RANBP9: variants seen among roughly 807,000 people sequenced by gnomAD.
The protein encoded by RANBP9 is ran-binding protein 9.
Under a neutral mutation model 84.3 loss-of-function variants are expected in RANBP9, and 15 were observed. The ratio of observed to expected loss-of-function variants is 0.18; its 90% CI spans 0.12 to 0.27. The LOEUF is 0.27. RANBP9 is among the 10% of genes least tolerant of loss of function. RANBP9 has a pLI of 1.00. For synonymous variants in RANBP9, 392 were observed against 349.6 expected (o/e 1.12, Z -1.35); for missense variants, 809 against 912.8 (o/e 0.89, Z 1.46).
intron 13 of RANBP9, among the ~76,000 whole-genome samples, chr6:13,624,757 C>G (rs763964845): frequency 6.6e-6 from 1 of 152,162 alleles, no homozygotes; most frequent in Non-Finnish European, 1.5e-5. Context: ...GGCTAAGCCT[C>G]GCCTTTTAAA....
chr6:13,709,465 C>T (rs539187643), intron 1 of RANBP9, among the ~76,000 whole-genome samples: 1 of 152,328 alleles, frequency 6.6e-6, no homozygotes, highest in East Asian at 1.9e-4. Context: ...CTAACAATAG[C>T]TTTCTGGCAG....
chr6:13,691,758 T>C (rs961205461), intron 2 of RANBP9, among the ~76,000 whole-genome samples: 1 of 152,094 alleles, frequency 6.6e-6, no homozygotes, highest in Non-Finnish European at 1.5e-5. Context: ...CTCTGCCTCC[T>C]GTGTTCAAGC....
chr6:13,692,527 CAAAAAAAAAAAAAA>C (rs61237158), intron 2 of RANBP9, among the ~76,000 whole-genome samples: 7 of 28,726 alleles, frequency 2.4e-4, no homozygotes, highest in Middle Eastern at 0.042. Flanking sequence ...AACTCCGTCT[CAAAAAAAAAAAAAA>C]AAAAAAAAAA....
intron 5 of RANBP9, among the ~76,000 whole-genome samples, chr6:13,651,402 G>GT (rs58265160): frequency 8.8e-4 from 131 of 148,360 alleles, no homozygotes; most frequent in East Asian, 1.8e-3. Flanking sequence ...TTGTTTTTTT[G>GT]TTTTTTTTTT....
At chr6:13,693,203 A>AG (rs1766367908) in intron 2 of RANBP9, among the ~76,000 whole-genome samples, 1 of 152,222 alleles carries the variant, frequency 6.6e-6, no homozygotes, top group Admixed American at 6.5e-5. Flanking sequence ...GAGAAGGTGA[A>AG]GGAAGGGCAT....
At chr6:13,625,021 T>G (rs1764561673) in intron 13 of RANBP9, among the ~76,000 whole-genome samples, 1 of 152,206 alleles carries the variant, frequency 6.6e-6, no homozygotes, top group African/African-American at 2.4e-5. Flanking sequence ...GAGGACCAGC[T>G]AGGAATCCTG....
rs1395785913 is a variant in RANBP9, at chr6:13,649,968, A to G, written c.927+2691T>C. On this transcript the variant is annotated intron_variant, in intron 5 of 13. Coordinates refer to ENST00000011619, the MANE Select transcript of RANBP9 (RefSeq NM_005493.3). ...CCATTAGCCAATTCTCTTGGTTTTC[A>G]GTTGGATTTTTAAAAGAATCATATT... 2.6e-5 allele frequency among the ~76,000 whole-genome samples: 4 copies of G among 152,166 alleles called. No individual in the cohort carries two copies. The East Asian group carries it at 7.7e-4, about 29-fold the overall frequency.
At chr6:13,655,705 ATTGTGGTTT>A (rs1332946407) in intron 4 of RANBP9, among the ~76,000 whole-genome samples, 3 of 152,134 alleles carry the variant, frequency 2.0e-5, no homozygotes, top group Non-Finnish European at 2.9e-5. Flanking sequence ...TGTTAAAGAG[ATTGTGGTTT>A]TTTCAAAATG....
intron 1 of RANBP9, among the ~76,000 whole-genome samples, chr6:13,701,721 C>T (rs905647381): frequency 6.6e-6 from 1 of 151,324 alleles, no homozygotes; most frequent in East Asian, 1.9e-4. Flanking sequence ...AGTGACCCGA[C>T]GTTGTACCAC....
intron 2 of RANBP9, among the ~76,000 whole-genome samples, chr6:13,682,695 A>C (rs754191739): frequency 8.5e-5 from 13 of 152,148 alleles, no homozygotes; most frequent in Non-Finnish European, 1.8e-4. Context: ...CAGGTGACCC[A>C]CCTACCTCTG....
rs204230 is a variant in RANBP9, at chr6:13,665,203, A to T, written c.684-6371T>A. Among the ~76,000 whole-genome samples the T allele has an allele frequency of 1.5e-3, 227 of 152,316 alleles. 4 individuals carry two copies. In the East Asian group the frequency reaches 0.038, roughly 26 times the overall value. On this transcript the variant is annotated intron_variant, in intron 2 of 13. Coordinates refer to ENST00000011619, the MANE Select transcript of RANBP9 (RefSeq NM_005493.3). ...AACTATCTTAATGACTTGAGGATAAAGCAAAGATTTATTAGGACACAAAAA... is the reference window on the plus strand; with the variant it reads ...AACTATCTTAATGACTTGAGGATAATGCAAAGATTTATTAGGACACAAAAA...
chr6:13,632,544 T>C, intron 11 of RANBP9, 23 bp from the exon 12 acceptor site: 1 of 1,595,808 alleles, frequency 6.3e-7, no homozygotes, highest in South Asian at 1.1e-5. Context: ...CAGACAAGTA[T>C]TTTACTACCT....
chr6:13,635,380 T>C (rs1005861386), intron 10 of RANBP9, among the ~76,000 whole-genome samples: 1 of 152,100 alleles, frequency 6.6e-6, no homozygotes, highest in Admixed American at 6.5e-5. Flanking sequence ...TTAGGATTTA[T>C]CCTATGGAAG....
chr6:13,635,499 GA>G (rs141214665), intron 10 of RANBP9, among the ~76,000 whole-genome samples: 5 of 148,564 alleles, frequency 3.4e-5, no homozygotes, highest in East Asian at 2.0e-4. Context: ...TTCAATTGTA[GA>G]AAAAAAAACA....
chr6:13,634,917 TC>T (rs1242317849), intron 10 of RANBP9, among the ~76,000 whole-genome samples: 2 of 151,882 alleles, frequency 1.3e-5, no homozygotes, highest in East Asian at 1.9e-4. Context: ...GCCAGCCCTC[TC>T]CCCCTACCCC....
At chr6:13,709,935 A>G (rs1420982125) in intron 1 of RANBP9, among the ~76,000 whole-genome samples, 1 of 152,232 alleles carries the variant, frequency 6.6e-6, no homozygotes, top group African/African-American at 2.4e-5. Context: ...CTTCTGCTTT[A>G]GGTTTGGGGC....
intron 10 of RANBP9, among the ~76,000 whole-genome samples, chr6:13,636,324 T>A (rs1764939219): frequency 6.6e-6 from 1 of 152,246 alleles, no homozygotes; most frequent in Admixed American, 6.5e-5. Context: ...GTTAATACCA[T>A]CTTTGCCTAC....
intron 12 of RANBP9, among the ~76,000 whole-genome samples, chr6:13,630,805 A>C (rs1278124115): frequency 1.3e-5 from 2 of 152,136 alleles, no homozygotes; most frequent in East Asian, 3.8e-4. Flanking sequence ...AGAGACTTAC[A>C]AAAAAATATA....
chr6:13,659,450 A>G (rs2127771248), intron 2 of RANBP9, among the ~76,000 whole-genome samples: 1 of 152,348 alleles, frequency 6.6e-6, no homozygotes, highest in African/African-American at 2.4e-5. Context: ...ATCAATTTAT[A>G]AAGTTAGAAC....
Sources: gnomAD v4.1 joint callset for allele counts (sites outside exome capture counted in the v4.1 genomes callset) on GRCh38, gnomAD v4.1.1 for gene constraint, MANE v1.5 for transcripts, NCBI Gene and HGNC (gene_info 2026-07-23, HGNC 2026-07-21) for gene names.